PRR16: variants seen among roughly 807,000 people sequenced by gnomAD.
The protein encoded by PRR16 is protein Largen.
PRR16 carries 6 observed loss-of-function variants against 18.2 expected under a neutral mutation model. The ratio of observed to expected loss-of-function variants is 0.33; its 90% confidence interval spans 0.18 to 0.65. PRR16 has a LOEUF of 0.65. Ranked by LOEUF, PRR16 falls within the 30% of genes least tolerant of loss-of-function variation. The pLI is 0.74. For missense variants in PRR16, 412 were observed against 376.6 expected (o/e 1.09, Z -0.78); for synonymous variants, 151 against 147.8 (o/e 1.02, Z -0.16).
the PRR16 span, among the ~76,000 whole-genome samples, chr5:120,702,041 G>T: frequency 1.3e-5 from 2 of 152,046 alleles, no homozygotes; most frequent in African/African-American, 2.4e-5. Flanking sequence ...CAAGGGAGTA[G>T]AAGAAGGAAT....
At chr5:120,556,879 A>G (rs79264158) in intron 1 of PRR16, among the ~76,000 whole-genome samples, 7,203 of 151,822 alleles carry the variant, frequency 0.047, 174 homozygotes, top group African/African-American at 0.062. Flanking sequence ...ACAGTATTAA[A>G]CAACTTTCTT....
chr5:120,678,420 C>G (rs1194506809), intron 1 of PRR16, among the ~76,000 whole-genome samples: 1 of 152,140 alleles, frequency 6.6e-6, no homozygotes, highest in Non-Finnish European at 1.5e-5. Context: ...TCCATAGTAT[C>G]TACATTTATT....
intron 1 of PRR16, among the ~76,000 whole-genome samples, chr5:120,588,193 T>C (rs767455824): frequency 6.6e-6 from 1 of 152,222 alleles, no homozygotes; most frequent in South Asian, 2.1e-4. Context: ...TGAGATGATA[T>C]CTACTTCTGG....
chr5:120,509,903 T>A (rs1176155492), intron 1 of PRR16, among the ~76,000 whole-genome samples: 1 of 152,136 alleles, frequency 6.6e-6, no homozygotes, highest in African/African-American at 2.4e-5. Context: ...GTTTTTTTTC[T>A]GCGACGTGAT....
chr5:120,728,280 A>G, the PRR16 span, among the ~76,000 whole-genome samples: 5 of 151,792 alleles, frequency 3.3e-5, no homozygotes, highest in East Asian at 9.8e-4. Context: ...ATACTACAAT[A>G]GTTTGATATA....
intron 1 of PRR16, among the ~76,000 whole-genome samples, chr5:120,562,886 G>C (rs1361074500): frequency 6.6e-6 from 1 of 151,920 alleles, no homozygotes; most frequent in Non-Finnish European, 1.5e-5. Context: ...TGGTTCATTA[G>C]TCTTTCTATT....
intron 1 of PRR16, among the ~76,000 whole-genome samples, chr5:120,541,924 C>CTT (rs928989598): frequency 3.4e-5 from 5 of 146,086 alleles, no homozygotes; most frequent in African/African-American, 1.2e-4. Context: ...TTCCTTTCCT[C>CTT]TTTTTTTTTT....
intron 1 of PRR16, among the ~76,000 whole-genome samples, chr5:120,635,765 C>A (rs1755207558): frequency 6.6e-6 from 1 of 152,016 alleles, no homozygotes; most frequent in African/African-American, 2.4e-5. Context: ...AAAGTCCTAG[C>A]CAGAGCAATC....
rs142817940 is a variant in PRR16, at chr5:120,637,394, A to T, written c.160-48560A>T. ...AAAATTTGCAGTTTCAAAAATATGG[A>T]ACCAGCCCAAATTCCCATCAATCAA... On this transcript the variant is annotated intron_variant, in intron 1 of 1. Coordinates refer to ENST00000407149, the MANE Select transcript of PRR16 (RefSeq NM_001300783.2). Among the ~76,000 whole-genome samples, 743 of 151,168 alleles carry T rather than the reference A, an allele frequency of 4.9e-3. 1 individual carries two copies. Among genetic ancestry groups the T allele is most frequent in the African/African-American group, 0.017 (712 of 41,244 alleles).
chr5:120,470,054 A>G (rs1749218829), intron 1 of PRR16, among the ~76,000 whole-genome samples: 1 of 152,198 alleles, frequency 6.6e-6, no homozygotes, highest in Non-Finnish European at 1.5e-5. Context: ...TCAGGTACTT[A>G]AATCTAAATG....
At chr5:120,471,085 T>C (rs562495553) in intron 1 of PRR16, among the ~76,000 whole-genome samples, 19 of 152,276 alleles carry the variant, frequency 1.2e-4, no homozygotes, top group South Asian at 6.2e-4. Context: ...CATTATTTCA[T>C]TAAGGCTTGC....
rs1006334361 is a variant in PRR16, at chr5:120,464,389, G to T, written c.-98G>T. 8.9e-5 allele frequency: 122 copies of T among 1,365,912 alleles called. 2 individuals are homozygous for T. In the African/African-American group the frequency reaches 1.6e-3, roughly 18 times the overall value. The allele number at this position is 1,365,912 out of a possible 1,614,324, so 84.6% of individuals were successfully genotyped here. A position where few individuals can be genotyped will look rare whatever the true frequency, so the allele number is the denominator to read the frequency against. Reference sequence around the variant, plus strand: ...CCAGGGAGCGCCCAAGATGTGGGGGGACCGGGGCGGCAGCGGCCGTAGCAG... The same window carrying T: ...CCAGGGAGCGCCCAAGATGTGGGGGTACCGGGGCGGCAGCGGCCGTAGCAG... On this transcript the variant is annotated 5_prime_UTR_variant, in exon 1 of 2. Transcript: ENST00000407149.
chr5:120,627,144 C>T (rs1754893842), intron 1 of PRR16, among the ~76,000 whole-genome samples: 1 of 152,056 alleles, frequency 6.6e-6, no homozygotes, highest in African/African-American at 2.4e-5. Context: ...ATATGCAGGG[C>T]ATTCATTTTT....
intron 1 of PRR16, among the ~76,000 whole-genome samples, chr5:120,642,707 C>G (rs577681995): frequency 6.6e-6 from 1 of 152,208 alleles, no homozygotes; most frequent in African/African-American, 2.4e-5. Flanking sequence ...GTCCCCTTAT[C>G]AAGAACTTCA....
rs536660020 is a variant in PRR16 at position 120,680,045 on chromosome 5, C to T, written c.160-5909C>T. 2.0e-5 allele frequency among the ~76,000 whole-genome samples: 3 copies of T among 152,198 alleles called. No individual in the cohort carries two copies. In the South Asian group the frequency reaches 6.2e-4, roughly 32 times the overall value. ...AACTATGTGAGATGATGGATATGCT[C>T]ATTCGTTCCACTGAAGAAACCACTT... On this transcript the variant is annotated intron_variant, in intron 1 of 1. Coordinates refer to ENST00000407149, the MANE Select transcript of PRR16 (RefSeq NM_001300783.2).
At chr5:120,488,086 C>T (rs1749881016) in intron 1 of PRR16, among the ~76,000 whole-genome samples, 1 of 152,144 alleles carries the variant, frequency 6.6e-6, no homozygotes, top group Non-Finnish European at 1.5e-5. Context: ...CGATGTTTAT[C>T]AGGGATATTG....
chr5:120,562,221 C>G (rs1436857194), intron 1 of PRR16, among the ~76,000 whole-genome samples: 2 of 152,058 alleles, frequency 1.3e-5, no homozygotes, highest in East Asian at 3.9e-4. Flanking sequence ...ATCCCTTTAT[C>G]ATTATATAAT....
intron 1 of PRR16, among the ~76,000 whole-genome samples, chr5:120,470,884 C>T (rs1452450255): frequency 6.6e-6 from 1 of 152,118 alleles, no homozygotes; most frequent in Non-Finnish European, 1.5e-5. Context: ...ACAGCATTAA[C>T]CGCCAAGCTC....
chr5:120,711,733 A>G, the PRR16 span, among the ~76,000 whole-genome samples: 1 of 152,176 alleles, frequency 6.6e-6, no homozygotes, highest in Non-Finnish European at 1.5e-5. Context: ...TGCATAAGAG[A>G]TAGTCCATGA....
Sources: gnomAD v4.1 joint callset for allele counts (sites outside exome capture counted in the v4.1 genomes callset) on GRCh38, gnomAD v4.1.1 for gene constraint, MANE v1.5 for transcripts, NCBI Gene and HGNC (gene_info 2026-07-23, HGNC 2026-07-21) for gene names.